The following RUFY4 variants were observed in gnomAD, a reference collection of about 807,000 sequenced individuals.
The protein encoded by RUFY4 is RUN and FYVE domain containing 4.
A neutral mutation model predicts 69.0 loss-of-function variants in RUFY4; 73 were observed. The observed-to-expected ratio is 1.06, with a 90% confidence interval of 0.88 to 1.29. RUFY4 has a LOEUF of 1.29. Among genes scored for constraint, RUFY4 ranks in the 50% most tolerant of loss-of-function variants. RUFY4 has a pLI of 0.00. For synonymous variants in RUFY4, 287 were observed against 271.8 expected, an observed-to-expected ratio of 1.06 and a Z score of -0.55; for missense variants, 770 against 705.6, an observed-to-expected ratio of 1.09 and a Z score of -1.03.
intron 8 of RUFY4, among the ~76,000 whole-genome samples, chr2:218,077,037 C>T (rs141399627): frequency 1.7e-3 from 254 of 152,316 alleles, no homozygotes; most frequent in Admixed American, 2.4e-3. Flanking sequence ...GGTGCTTCTG[C>T]GTAACACCCT....
At chr2:218,060,078 ATAGAGTGCC>A in intron 3 of RUFY4, 162 of 285,050 alleles carry the variant, frequency 5.7e-4, no homozygotes, top group South Asian at 3.5e-3. Flanking sequence ...TTCTTAGAAC[ATAGAGTGCC>A]ATGAGCTCAA....
chr2:218,053,018 C>G lies in RUFY4; in HGVS notation c.-1157-5577C>G, dbSNP rs191817412. The stretch of plus-strand genomic sequence containing the variant: ...CCTGTCACCCAGGCTCAAGTGCAAT[C>G]GCATGATCACAGCTCAGTGCAGCCT... On this transcript the variant is annotated intron_variant and NMD_transcript_variant, in intron 2 of 13. Transcript: ENST00000457754. 3.4e-4 allele frequency among the ~76,000 whole-genome samples: 51 copies of G among 152,146 alleles called. 1 individual carries two copies. In the East Asian group the frequency reaches 8.9e-3, roughly 27 times the overall value.
At chr2:218,078,258 T>C (rs1328001087) in intron 8 of RUFY4, among the ~76,000 whole-genome samples, 2 of 152,260 alleles carry the variant, frequency 1.3e-5, no homozygotes, top group African/African-American at 4.8e-5. Flanking sequence ...TGTGGTATTT[T>C]ACATTTTAAT....
chr2:218,067,461 T>C (rs528599425), upstream of RUFY4, among the ~76,000 whole-genome samples: 2 of 152,220 alleles, frequency 1.3e-5, no homozygotes, highest in Admixed American at 6.5e-5. Flanking sequence ...AGAACGAGGG[T>C]ATCACACCTC....
At chr2:218,041,938 T>G (rs1394270633) in intron 2 of RUFY4, among the ~76,000 whole-genome samples, 1 of 152,244 alleles carries the variant, frequency 6.6e-6, no homozygotes, top group Non-Finnish European at 1.5e-5. Context: ...CTGCTACTGA[T>G]GTAGTCACTG....
chr2:218,061,472 C>A, intron 3 of RUFY4: 1 of 176,082 alleles, frequency 5.7e-6, no homozygotes, highest in Non-Finnish European at 1.2e-5. Context: ...GCACAATAAA[C>A]CTTACCCAGA....
At chr2:218,042,412 G>A (rs1688715105) in intron 2 of RUFY4, among the ~76,000 whole-genome samples, 1 of 152,080 alleles carries the variant, frequency 6.6e-6, no homozygotes, top group South Asian at 2.1e-4. Flanking sequence ...GAGAACTCAG[G>A]GTATGTATCT....
chr2:218,070,611 A>G, exon 1 of RUFY4: 1 of 1,537,580 alleles, frequency 6.5e-7, no homozygotes, highest in Non-Finnish European at 8.7e-7. Context: ...TACCCATGGC[A>G]GAAGAGGGAG....
chr2:218,088,881 C>A (rs1314678355), intron 9 of RUFY4, among the ~76,000 whole-genome samples: 1 of 151,836 alleles, frequency 6.6e-6, no homozygotes, highest in East Asian at 1.9e-4. Flanking sequence ...CTCTCTCCCT[C>A]TATATATCTC....
intron 3 of RUFY4, among the ~76,000 whole-genome samples, chr2:218,062,448 C>T (rs1452980342): frequency 6.6e-6 from 1 of 150,602 alleles, no homozygotes; most frequent in Non-Finnish European, 1.5e-5. Flanking sequence ...CATGGTGGCT[C>T]ATGCCTGTAA....
chr2:218,046,098 C>A (rs563086891), intron 2 of RUFY4, among the ~76,000 whole-genome samples: 1 of 152,036 alleles, frequency 6.6e-6, no homozygotes, highest in Admixed American at 6.6e-5. Context: ...AGCCACCGAG[C>A]CCAGCCCATA....
chr2:218,071,374 G>T (rs143565014), intron 2 of RUFY4, among the ~76,000 whole-genome samples: 1,923 of 152,066 alleles, frequency 0.013, 14 homozygotes, highest in Non-Finnish European at 0.018. Flanking sequence ...AGCTCCCCTG[G>T]CCTCTTGGAT....
chr2:218,069,087 C>T (rs937362500), upstream of RUFY4: 5 of 152,356 alleles, frequency 3.3e-5, no homozygotes, highest in Admixed American at 2.6e-4. Flanking sequence ...GACTCTACCC[C>T]AGGTGGGCCT....
chr2:218,077,778 CA>C (rs1689671269), intron 8 of RUFY4, among the ~76,000 whole-genome samples: 1 of 152,214 alleles, frequency 6.6e-6, no homozygotes, highest in Admixed American at 6.5e-5. Context: ...GAAACCAACC[CA>C]AAAGGACCCC....
intron 3 of RUFY4, chr2:218,060,126 G>T: frequency 2.4e-6 from 1 of 419,398 alleles, no homozygotes; most frequent in African/African-American, 2.0e-5. Context: ...TCCAGCAAGT[G>T]ATGTAGTAAT....
At chr2:218,073,621 A>C (rs1183210243) in intron 5 of RUFY4, among the ~76,000 whole-genome samples, 195 bp from the exon 8 acceptor site, 1 of 151,942 alleles carries the variant, frequency 6.6e-6, no homozygotes, top group Middle Eastern at 3.2e-3. Context: ...GGAGGGCTGG[A>C]GGATGAATGG....
intron 2 of RUFY4, among the ~76,000 whole-genome samples, chr2:218,050,798 A>G (rs1030642506): frequency 2.0e-5 from 3 of 152,248 alleles, no homozygotes; most frequent in Non-Finnish European, 2.9e-5. Context: ...TGTTTTCTGT[A>G]TATCAAACAC....
intron 4 of RUFY4, 23 bp from the exon 7 acceptor site, chr2:218,073,220 G>T (rs1463379588): frequency 1.9e-6 from 3 of 1,547,522 alleles, no homozygotes; most frequent in Admixed American, 2.0e-5. Context: ...AAAGGCCAAG[G>T]GTTCTGATCA....
chr2:218,040,883 A>G (rs772640892), intron 2 of RUFY4, among the ~76,000 whole-genome samples: 53 of 152,184 alleles, frequency 3.5e-4, no homozygotes, highest in Non-Finnish European at 6.8e-4. Flanking sequence ...GACCCCACTC[A>G]AGGTCACGAG....
Sources: gnomAD v4.1 joint callset for allele counts (sites outside exome capture counted in the v4.1 genomes callset) on GRCh38, gnomAD v4.1.1 for gene constraint, MANE v1.5 for transcripts, NCBI Gene and HGNC (gene_info 2026-07-23, HGNC 2026-07-21) for gene names.